EFR3B: variants seen among roughly 807,000 people sequenced by gnomAD.
EFR3B encodes protein EFR3 homolog B.
EFR3B carries 64 observed loss-of-function variants against 104.7 expected under a neutral mutation model. The observed-to-expected ratio is 0.61, with a 90% CI of 0.50 to 0.75. The LOEUF (loss-of-function observed/expected upper bound fraction) is 0.75. Among genes scored for constraint, EFR3B ranks in the 30% least tolerant of loss-of-function variants. The pLI, the probability that EFR3B is intolerant of heterozygous loss-of-function variation, is 0.00. For missense variants in EFR3B, 750 were observed against 1,078.5 expected (o/e 0.70, Z 4.27); for synonymous variants, 385 against 417.9 (o/e 0.92, Z 0.96).
chr2:25,132,192 G>A (rs1336075179), intron 10 of EFR3B, among the ~76,000 whole-genome samples: 1 of 152,346 alleles, frequency 6.6e-6, no homozygotes, highest in Admixed American at 6.5e-5. Context: ...AGAGAATGAA[G>A]TCGGGAAATG....
chr2:25,111,496 T>A (rs1351375589), intron 4 of EFR3B, among the ~76,000 whole-genome samples: 5 of 152,200 alleles, frequency 3.3e-5, no homozygotes, highest in Non-Finnish European at 5.9e-5. Flanking sequence ...TGTGCCCTGC[T>A]TAGTTTCTGT....
chr2:25,058,524 C>T (rs999105030), intron 1 of EFR3B, among the ~76,000 whole-genome samples: 6 of 151,964 alleles, frequency 3.9e-5, no homozygotes, highest in Admixed American at 6.6e-5. Flanking sequence ...TTTGAGAGGC[C>T]GAGGCAGGCA....
chr2:25,082,937 G>A (rs1668849957), intron 1 of EFR3B, among the ~76,000 whole-genome samples: 1 of 152,200 alleles, frequency 6.6e-6, no homozygotes, highest in Admixed American at 6.5e-5. Context: ...ATGAGAGTGG[G>A]AGGTCAGAGG....
Position 25,131,487 on chromosome 2 carries a change from T to G in EFR3B, c.969T>G (p.Ala323=). The change falls in exon 9 of 23, where the codon GCT becomes GCG. Residue 323 remains alanine, a synonymous_variant. Transcript: ENST00000403714. This position sits in a 1 kb window ranked among gnomAD's most constrained non-coding sequence, Gnocchi z 7.6. The part of the protein sequence containing the change: ...VEVLSEAAVI[A]ATGSVGPTVL... ...TCTTGTCGGAAGCCGCGGTCATCGC[T>G]GCCACCGGCTCTGTGGGTAAGGGGC... 1 of 1,549,706 alleles carries G rather than the reference T, an allele frequency of 6.5e-7. No individual in the cohort carries two copies. The highest frequency in any genetic ancestry group is 8.7e-7 in the Non-Finnish European group (1 of 1,146,820).
At chr2:25,117,123 A>G (rs1213387333) in intron 4 of EFR3B, among the ~76,000 whole-genome samples, 1 of 152,136 alleles carries the variant, frequency 6.6e-6, no homozygotes, top group African/African-American at 2.4e-5. Context: ...TTCCACCAGG[A>G]TCAGGAATGG....
At chr2:25,092,130 G>A (rs1331389740) in intron 2 of EFR3B, among the ~76,000 whole-genome samples, 1 of 151,682 alleles carries the variant, frequency 6.6e-6, no homozygotes, top group African/African-American at 2.4e-5. Context: ...GTGCAGTGGC[G>A]CGATCTCGGC....
chr2:25,152,126 A>ACCTCCC, intron 21 of EFR3B, 106 bp downstream of exon 21: 1 of 1,049,518 alleles, frequency 9.5e-7, no homozygotes. Flanking sequence ...TTGACCACCA[A>ACCTCCC]CCTCCCCCAC....
intron 4 of EFR3B, chr2:25,116,146 G>A (rs1452227122): frequency 6.6e-6 from 1 of 152,190 alleles, no homozygotes; most frequent in Non-Finnish European, 1.5e-5. Flanking sequence ...AAATACTGCT[G>A]TTCAATGATT....
chr2:25,153,425 G>A (rs1671068252), intron 21 of EFR3B, among the ~76,000 whole-genome samples: 1 of 152,054 alleles, frequency 6.6e-6, no homozygotes, highest in Non-Finnish European at 1.5e-5. Flanking sequence ...AGCCCCTACT[G>A]CCCCATCTTA....
At chr2:25,090,292 G>A (rs1168896104) in intron 1 of EFR3B, among the ~76,000 whole-genome samples, 2 of 152,216 alleles carry the variant, frequency 1.3e-5, no homozygotes, top group Non-Finnish European at 2.9e-5. Flanking sequence ...ATGCCCGCCC[G>A]CCCCCTCAGT....
At position 25,130,753 on chromosome 2, in the gene EFR3B, C is replaced by T; in HGVS notation, c.849+123C>T. 1 of 838,342 alleles carries T rather than the reference C, an allele frequency of 1.2e-6. No homozygotes were observed. Among genetic ancestry groups the T allele is most frequent in the Admixed American group, 2.1e-5 (1 of 48,216 alleles). 51.9% of individuals were successfully genotyped at this position (838,342 alleles called of 1,614,324 possible). A position where few individuals can be genotyped will look rare whatever the true frequency, so the allele number is the denominator to read the frequency against. On this transcript the variant is annotated intron_variant, in intron 8 of 22. Coordinates refer to ENST00000403714, the MANE Select transcript of EFR3B (RefSeq NM_014971.2). The surrounding 1 kb of genome is among the most constrained non-coding windows in gnomAD (Gnocchi z 4.6). ...CCTCCGAAGCCCCCAGTTGCCGAAA[C>T]CAGTGCTGCTTAAGCTAGCTGTGGA... is the stretch of plus-strand genomic sequence containing the variant.
At chr2:25,057,688 A>G (rs1558583715) in intron 1 of EFR3B, among the ~76,000 whole-genome samples, 1 of 151,614 alleles carries the variant, frequency 6.6e-6, no homozygotes, top group Non-Finnish European at 1.5e-5. Context: ...AGGCTGAGGC[A>G]GGAGAATCGC....
intron 20 of EFR3B, among the ~76,000 whole-genome samples, chr2:25,150,611 C>CTT (rs200348402): frequency 6.3e-5 from 9 of 142,190 alleles, no homozygotes; most frequent in East Asian, 2.0e-4. Context: ...ATTTCTTGCC[C>CTT]TTTTTTTTTT....
chr2:25,117,297 G>A (rs960074499), intron 4 of EFR3B, among the ~76,000 whole-genome samples: 4 of 152,166 alleles, frequency 2.6e-5, no homozygotes, highest in Admixed American at 6.5e-5. Context: ...ATGTCTGGGA[G>A]GGGTGGGGGA....
intron 16 of EFR3B, 128 bp downstream of exon 16, chr2:25,139,318 AC>A: frequency 8.3e-7 from 1 of 1,199,184 alleles, no homozygotes; most frequent in South Asian, 1.7e-5. Context: ...AGTAAGAACC[AC>A]TAATGGTGAG....
In EFR3B at chr2:25,153,739, C is replaced by T; in HGVS notation, c.2326C>T (p.Gln776Ter). The change falls in exon 22 of 23, where the codon CAG becomes TAG. Residue 776 changes from glutamine to a stop codon, truncating the protein, a stop_gained. Transcript: ENST00000403714. LOFTEE classifies it high-confidence loss of function. ...RASLLQSKLN[Q>*]IFEITIRPPP... Reference sequence around the variant, plus strand: ...ATCGCTGCTCCAGAGCAAACTCAATCAGATCTTTGAAATCACCATCCGGTA... The same window carrying T: ...ATCGCTGCTCCAGAGCAAACTCAATTAGATCTTTGAAATCACCATCCGGTA... 2 of 1,551,708 alleles carry T rather than the reference C, an allele frequency of 1.3e-6. No individual in the cohort carries two copies. The highest frequency in any genetic ancestry group is 1.7e-6 in the Non-Finnish European group (2 of 1,147,004).
chr2:25,148,782 C>A (rs1376971163), intron 19 of EFR3B, among the ~76,000 whole-genome samples: 1 of 150,742 alleles, frequency 6.6e-6, no homozygotes, highest in Non-Finnish European at 1.5e-5. Context: ...ATTAGCCGGG[C>A]GTAGTGGTGG....
chr2:25,099,891 G>A (rs1669383812), intron 3 of EFR3B, among the ~76,000 whole-genome samples: 1 of 150,282 alleles, frequency 6.7e-6, no homozygotes, highest in Non-Finnish European at 1.5e-5. Context: ...AAAAAAAGAT[G>A]AAGACTAGCT....
chr2:25,141,302 T>G (rs761790419), intron 16 of EFR3B, 64 bp from the exon 17 acceptor site: 3 of 1,519,238 alleles, frequency 2.0e-6, no homozygotes, highest in Non-Finnish European at 2.7e-6. Context: ...GGGAGCTCTT[T>G]CGTTGCCTGT....
Sources: gnomAD v4.1 joint callset for allele counts (sites outside exome capture counted in the v4.1 genomes callset) on GRCh38, gnomAD v4.1.1 for gene constraint, Gnocchi (gnomAD v3.1) non-coding constraint, MANE v1.5 for transcripts, NCBI Gene and HGNC (gene_info 2026-07-23, HGNC 2026-07-21) for gene names.